Variants in TMEM62 observed in about 807,000 individuals in gnomAD.
TMEM62 encodes the protein transmembrane protein 62.
In TMEM62, 41 loss-of-function variants were observed where a neutral mutation model predicts 70.4. The ratio of observed to expected loss-of-function variants is 0.58; its 90% CI spans 0.45 to 0.76. The LOEUF is 0.76. Among genes scored for constraint, TMEM62 ranks in the 30% least tolerant of loss-of-function variants. The pLI is 0.00. For synonymous variants in TMEM62, 268 were observed against 291.0 expected, an observed-to-expected ratio of 0.92 and a Z score of 0.80; for missense variants, 688 against 788.5, an observed-to-expected ratio of 0.87 and a Z score of 1.53.
At position 43,138,599 on chromosome 15, in the gene TMEM62, C is replaced by G. The variant is rs1188587616; in HGVS notation, c.456C>G (p.Asp152Glu). Residue 152 changes from aspartate (D) to glutamate (E), a missense_variant, in exon 4 of 14, where the codon GAC becomes GAG. Asp to Glu is a conservative substitution (Grantham distance 45). Coordinates refer to ENST00000260403, the MANE Select transcript of TMEM62 (RefSeq NM_024956.4). ...ATGCATTCAATATTCCAAGTCTGGA[C>G]AGCATCAAGAATTATTACAGGTACT... ...NHDAFNIPSLDSIKNYYRKYS... is the reference protein window; with the variant it reads ...NHDAFNIPSLESIKNYYRKYS... 1 of 1,597,760 alleles carries G rather than the reference C, an allele frequency of 6.3e-7. No individual in the cohort carries two copies. The highest frequency in any genetic ancestry group is 1.4e-5 in the African/African-American group (1 of 73,204).
chr15:43,135,756 A>G, intron 3 of TMEM62, 107 bp downstream of exon 3: 1 of 1,268,626 alleles, frequency 7.9e-7, no homozygotes. Context: ...ACATTTACAT[A>G]TACTAAAGGT....
intron 4 of TMEM62, among the ~76,000 whole-genome samples, chr15:43,145,103 CA>C (rs200747419): frequency 5.9e-4 from 65 of 109,472 alleles, no homozygotes; most frequent in African/African-American, 1.7e-3. Flanking sequence ...GACTCCGTCT[CA>C]AAAAAAAAAA....
intron 12 of TMEM62, 114 bp from the exon 13 acceptor site, chr15:43,181,067 T>G (rs1230932337): frequency 9.6e-6 from 7 of 727,530 alleles, no homozygotes; most frequent in Non-Finnish European, 1.5e-5. Context: ...ATAAAATGCT[T>G]ATAGATGGCT....
chr15:43,182,453 CTT>C (rs1216767686), intron 13 of TMEM62, among the ~76,000 whole-genome samples: 12 of 142,092 alleles, frequency 8.4e-5, no homozygotes, highest in African/African-American at 1.9e-4. Flanking sequence ...CTTTTCTTTT[CTT>C]TTTTTTTTTT....
chr15:43,151,745 A>G (rs747040103), intron 7 of TMEM62, 45 bp from the exon 8 acceptor site: 26 of 1,582,354 alleles, frequency 1.6e-5, no homozygotes, highest in Non-Finnish European at 2.2e-5. Flanking sequence ...ATGACCTCTT[A>G]CAATGTGAAG....
intron 11 of TMEM62, among the ~76,000 whole-genome samples, chr15:43,173,236 C>T (rs1282287327): frequency 1.3e-5 from 2 of 152,166 alleles, no homozygotes; most frequent in Non-Finnish European, 2.9e-5. Flanking sequence ...TTCAAATGTT[C>T]CTTTTCCTTT....
At chr15:43,142,676 TG>T (rs2036198792) in intron 4 of TMEM62, among the ~76,000 whole-genome samples, 1 of 151,636 alleles carries the variant, frequency 6.6e-6, no homozygotes, top group Admixed American at 6.6e-5. Flanking sequence ...TTTGTTTTTT[TG>T]GTTTTTTTTT....
intron 10 of TMEM62, among the ~76,000 whole-genome samples, chr15:43,166,575 A>G (rs909633643): frequency 1.1e-5 from 1 of 94,816 alleles, no homozygotes; most frequent in East Asian, 3.0e-4. Context: ...TTTTTTTTTT[A>G]TTGATCATTC....
At chr15:43,166,820 A>G (rs1026955940) in intron 10 of TMEM62, among the ~76,000 whole-genome samples, 1 of 152,218 alleles carries the variant, frequency 6.6e-6, no homozygotes, top group African/African-American at 2.4e-5. Flanking sequence ...CTGAGTGGAT[A>G]CACCACATGT....
Position 43,184,308 on chromosome 15 carries a change from C to T in TMEM62, c.1654C>T (p.Leu552=), listed in dbSNP as rs192449148. The change falls in exon 14 of 14, where the codon CTG becomes TTG. Residue 552 remains leucine, a synonymous_variant. Transcript: ENST00000260403. ...GATGGCTTACATGTGTTGGAGCTTG[C>T]TGCAGCGGTGCTTTGGTCACAACTT... is the stretch of plus-strand genomic sequence containing the variant. ...PLMAYMCWSL[L]QRCFGHNFRS... 3.7e-6 allele frequency: 6 copies of T among 1,614,174 alleles called. No individual in the cohort carries two copies. The East Asian group carries it at 1.3e-4, about 36-fold the overall frequency.
chr15:43,172,426 T>A (rs2040289192), intron 11 of TMEM62, among the ~76,000 whole-genome samples: 1 of 152,246 alleles, frequency 6.6e-6, no homozygotes. Flanking sequence ...GGTGTTCACC[T>A]AAGTAGAAAT....
chr15:43,174,515 T>C (rs1462502958), intron 11 of TMEM62, among the ~76,000 whole-genome samples: 1 of 152,228 alleles, frequency 6.6e-6, no homozygotes, highest in Non-Finnish European at 1.5e-5. Context: ...CAGCCTCTTA[T>C]ATGGGGGCTC....
At position 43,154,813 on chromosome 15, in the gene TMEM62, CAT is replaced by C. The variant is rs866861364; in HGVS notation, c.1166_1167del (p.Ile389ArgfsTer12). 1.1e-5 allele frequency: 17 copies of C among 1,607,324 alleles called. No individual in the cohort carries two copies. The highest frequency in any genetic ancestry group is 1.4e-5 in the Non-Finnish European group (17 of 1,177,730). ...GAAACTACAGTAGTGGGACACATAA[CAT>C]AGAAGTAATCGTCCAGGTAAGTTAG... ...PRNYSSGTHN[I>X]EVIVQDSAGR... On this transcript the variant is annotated frameshift_variant, in exon 9 of 14. Coordinates refer to ENST00000260403, the MANE Select transcript of TMEM62 (RefSeq NM_024956.4). LOFTEE classifies it high-confidence loss of function.
rs150745065 is a variant in TMEM62 at position 43,168,699 on chromosome 15, A to G, written c.1297-894A>G. ...GAGTTGGGGGATGGGTGACACAAGT[A>G]CTCCCCTGGCCACCACAACTGGTGT... On this transcript the variant is annotated intron_variant, in intron 10 of 13. Transcript: ENST00000260403. 4.7e-3 allele frequency among the ~76,000 whole-genome samples: 709 copies of G among 151,932 alleles called. 4 individuals are homozygous for G. The highest frequency in any genetic ancestry group is 0.013 in the South Asian group (61 of 4,792).
Position 43,138,512 on chromosome 15 carries a change from A to T in TMEM62, c.431-62A>T. On this transcript the variant is annotated intron_variant, in intron 3 of 13. Transcript: ENST00000260403. ...ATTATTTTCCCTTAGTCATTAAAGA[A>T]AATGTTTGTATTCTTTTTTTAATGT... 2.3e-6 allele frequency: 3 copies of T among 1,324,588 alleles called. No individual in the cohort carries two copies. In the South Asian group the frequency reaches 3.7e-5, roughly 16 times the overall value. The allele number at this position is 1,324,588 out of a possible 1,614,324, so 82.1% of individuals were successfully genotyped here.
intron 13 of TMEM62, among the ~76,000 whole-genome samples, chr15:43,183,875 A>G (rs1256432980): frequency 6.6e-6 from 1 of 152,184 alleles, no homozygotes; most frequent in Non-Finnish European, 1.5e-5. Flanking sequence ...TCAAACAAAA[A>G]TGGAGGTAAG....
upstream of TMEM62, chr15:43,133,479 A>C: frequency 4.0e-6 from 1 of 247,984 alleles, no homozygotes; most frequent in Non-Finnish European, 7.7e-6. Flanking sequence ...CCTCCCGGCC[A>C]CTGGTCCCGG....
intron 1 of TMEM62, 79 bp from the exon 2 acceptor site, chr15:43,134,178 G>GGCTC: frequency 6.5e-7 from 1 of 1,529,648 alleles, no homozygotes; most frequent in Non-Finnish European, 9.0e-7. Flanking sequence ...CCTTCTGCCC[G>GGCTC]AGAGAGCCGC....
Position 43,181,174 on chromosome 15 carries a change from C to T in TMEM62, c.1487-7C>T, listed in dbSNP as rs1204164493. 1 of 1,592,328 alleles carries T rather than the reference C, an allele frequency of 6.3e-7. No individual in the cohort carries two copies. Among genetic ancestry groups the T allele is most frequent in the Admixed American group, 1.7e-5 (1 of 59,974 alleles). On this transcript the variant is annotated splice_polypyrimidine_tract_variant and splice_region_variant and intron_variant, in intron 12 of 13. Transcript: ENST00000260403. ...TCTCCTCCTTTTTTGTCCATTGCCT[C>T]TTTTAGGTCCATGGTTTTTTGGTGA...
Sources: allele counts gnomAD v4.1 joint callset (sites outside exome capture counted in the v4.1 genomes callset), GRCh38; gene constraint gnomAD v4.1.1; transcripts MANE v1.5; gene names NCBI Gene and HGNC (gene_info 2026-07-23, HGNC 2026-07-21).